Variants in OR5D16 observed in about 807,000 individuals in gnomAD.
OR5D16 encodes olfactory receptor family 5 subfamily D member 16, also known as olfactory receptor 5D16.
For missense variants in OR5D16, 477 were observed against 385.5 expected (o/e 1.24, Z -1.99); for synonymous variants, 185 against 153.2 (o/e 1.21, Z -1.53).
chr11:55,839,233 T>C lies in OR5D16; in HGVS notation c.482T>C (p.Leu161Pro), dbSNP rs1273011062. Residue 161 changes from leucine (L) to proline (P), a missense_variant, in exon 1 of 1, where the codon CTC becomes CCC. By Grantham distance (98) the Leu-to-Pro change is moderately conservative. Coordinates refer to ENST00000378396, the MANE Select transcript of OR5D16 (RefSeq NM_001005496.1). ...YAWGVACSLT[L>P]ACSALKLSFH... ...TGGGGAGTCGCATGTTCCCTGACAC[T>C]CGCGTGCTCTGCTTTAAAGTTATCT... The C allele has an allele frequency of 6.2e-7, 1 of 1,613,906 alleles. No homozygotes were observed. Among genetic ancestry groups the C allele is most frequent in the East Asian group, 2.2e-5 (1 of 44,888 alleles).
chr11:55,839,104 C>A lies in OR5D16; in HGVS notation c.353C>A (p.Ala118Glu). Residue 118 changes from alanine (A) to glutamate (E), a missense_variant, in exon 1 of 1, where the codon GCG becomes GAG. Transcript: ENST00000378396. ...TFVVTELILF[A>E]VMAYDHFVAI... ...GTAGTGACTGAATTAATTCTATTTGCGGTGATGGCCTATGACCACTTTGTG... is the reference window on the plus strand; with the variant it reads ...GTAGTGACTGAATTAATTCTATTTGAGGTGATGGCCTATGACCACTTTGTG... 22 of 1,613,974 alleles carry A rather than the reference C, an allele frequency of 1.4e-5. No individual in the cohort carries two copies. The highest frequency in any genetic ancestry group is 1.9e-5 in the Non-Finnish European group (22 of 1,179,970).
chr11:55,839,689 A>G lies in OR5D16; in HGVS notation c.938A>G (p.His313Arg), dbSNP rs369628399. The change falls in exon 1 of 1, where the codon CAT (histidine) becomes CGT (arginine). Residue 313 changes from histidine (H) to arginine (R), a missense_variant. Coordinates refer to ENST00000378396, the MANE Select transcript of OR5D16 (RefSeq NM_001005496.1). Reference protein sequence around the residue: ...IRKIINTKYFHIKHRHWYPFN... With the variant: ...IRKIINTKYFRIKHRHWYPFN... ...AAAATAATCAATACAAAATATTTTCATATTAAACATAGGCATTGGTATCCA... is the reference window on the plus strand; with the variant it reads ...AAAATAATCAATACAAAATATTTTCGTATTAAACATAGGCATTGGTATCCA... 1 of 1,600,848 alleles carries G rather than the reference A, an allele frequency of 6.2e-7. No homozygotes were observed. Among genetic ancestry groups the G allele is most frequent in the African/African-American group, 1.3e-5 (1 of 74,740 alleles).
chr11:55,839,277 A>G lies in OR5D16; in HGVS notation c.526A>G (p.Ile176Val), dbSNP rs776119814. ...LKLSFHGFNT[I>V]NHFFCELSSL... Reference sequence around the variant, plus strand: ...GTTATCTTTTCATGGTTTCAACACAATCAATCATTTCTTCTGTGAGTTATC... The same window carrying G: ...GTTATCTTTTCATGGTTTCAACACAGTCAATCATTTCTTCTGTGAGTTATC... Residue 176 changes from isoleucine to valine, a missense_variant, in exon 1 of 1, where the codon ATC (isoleucine) becomes GTC (valine). Physicochemically the swap from Ile to Val is conservative, Grantham distance 29. Transcript: ENST00000378396. The G allele has an allele frequency of 1.2e-6, 2 of 1,613,992 alleles. No individual in the cohort carries two copies. Among genetic ancestry groups the G allele is most frequent in the Non-Finnish European group, 1.7e-6 (2 of 1,179,964 alleles).
chr11:55,839,422 T>C lies in OR5D16; in HGVS notation c.671T>C (p.Ile224Thr), dbSNP rs149965774. The change falls in exon 1 of 1, where the codon ATT becomes ACT. Residue 224 changes from isoleucine to threonine, a missense_variant. Transcript: ENST00000378396. ...LIILTSYAFI[I>T]VTTLKMPSAS... ...ATTCTGACATCTTATGCATTCATCA[T>C]TGTCACCACCTTGAAGATGCCTTCA... 6 of 1,614,010 alleles carry C rather than the reference T, an allele frequency of 3.7e-6. No individual in the cohort carries two copies. The African/African-American group carries it at 8.0e-5, about 22-fold the overall frequency.
In OR5D16 at chr11:55,839,131, C is replaced by A. The variant is rs752257049; in HGVS notation, c.380C>A (p.Ala127Asp). The change falls in exon 1 of 1, where the codon GCC becomes GAC. Residue 127 changes from alanine (A) to aspartate (D), a missense_variant. Transcript: ENST00000378396. The part of the protein sequence containing the change: ...FAVMAYDHFV[A>D]ICNPLLYTVA... ...GTGATGGCCTATGACCACTTTGTGG[C>A]CATTTGCAATCCTCTGCTCTACACA... 1 of 1,613,896 alleles carries A rather than the reference C, an allele frequency of 6.2e-7. No homozygotes were observed. The highest frequency in any genetic ancestry group is 1.1e-5 in the South Asian group (1 of 91,074).
rs1363147222 is a variant in OR5D16 at position 55,838,804 on chromosome 11, G to C, written c.53G>C (p.Gly18Ala). 6.2e-7 allele frequency: 1 copy of C among 1,613,590 alleles called. No individual in the cohort carries two copies. Among genetic ancestry groups the C allele is most frequent in the South Asian group, 1.1e-5 (1 of 91,062 alleles). Residue 18 changes from glycine (G) to alanine (A), a missense_variant, in exon 1 of 1, where the codon GGC (glycine) becomes GCC (alanine). Physicochemically the swap from Gly to Ala is moderately conservative, Grantham distance 60 (BLOSUM62 0). Coordinates refer to ENST00000378396, the MANE Select transcript of OR5D16 (RefSeq NM_001005496.1). ...TCTGAGGCCACATTCACTCTCTTGG[G>C]CTTCTCAGATTACCTGGAACTGCAA... The part of the protein sequence containing the change: ...TTSEATFTLL[G>A]FSDYLELQIP...
At position 55,839,531 on chromosome 11, in the gene OR5D16, C is replaced by G; in HGVS notation, c.780C>G (p.Leu260=). The change falls in exon 1 of 1, where the codon CTC becomes CTG. Residue 260 remains leucine, a synonymous_variant. Coordinates refer to ENST00000378396, the MANE Select transcript of OR5D16 (RefSeq NM_001005496.1). ...TCTTCCATGGCACCATCCTCTTCCT[C>G]TACTGTGTACCCAACTCCAAAAACT... ...ITIFHGTILF[L]YCVPNSKNSR... The G allele has an allele frequency of 1.2e-6, 2 of 1,614,104 alleles. No individual in the cohort carries two copies. Among genetic ancestry groups the G allele is most frequent in the Non-Finnish European group, 1.7e-6 (2 of 1,179,992 alleles).
In OR5D16 at chr11:55,838,769, A is replaced by G. The variant is rs781325014; in HGVS notation, c.18A>G (p.Arg6=). MFLTE[R]NTTSEATFTL... is the part of the protein sequence containing the mutation. ...AGGAAAACATGTTTCTGACAGAGAG[A>G]AATACGACATCTGAGGCCACATTCA... The change falls in exon 1 of 1, where the codon AGA becomes AGG. Residue 6 remains arginine (R), a synonymous_variant. Coordinates refer to ENST00000378396, the MANE Select transcript of OR5D16 (RefSeq NM_001005496.1). 1 of 1,608,744 alleles carries G rather than the reference A, an allele frequency of 6.2e-7. No homozygotes were observed. The highest frequency in any genetic ancestry group is 1.7e-5 in the Admixed American group (1 of 59,040).
In OR5D16 at chr11:55,838,761, A is replaced by C. The variant is rs142690613; in HGVS notation, c.10A>C (p.Thr4Pro). The C allele has an allele frequency of 3.9e-5, 62 of 1,606,090 alleles. No individual in the cohort carries two copies. Among genetic ancestry groups the C allele is most frequent in the Non-Finnish European group, 5.2e-5 (61 of 1,176,894 alleles). ...CACACGAAAGGAAAACATGTTTCTG[A>C]CAGAGAGAAATACGACATCTGAGGC... MFLTERNTTSEATF... is the reference protein window; with the variant it reads MFLPERNTTSEATF... Residue 4 changes from threonine to proline, a missense_variant, in exon 1 of 1, where the codon ACA (threonine) becomes CCA (proline). By Grantham distance (38) the Thr-to-Pro change is conservative (BLOSUM62 -1). Coordinates refer to ENST00000378396, the MANE Select transcript of OR5D16 (RefSeq NM_001005496.1).
chr11:55,839,270 C>A lies in OR5D16; in HGVS notation c.519C>A (p.Phe173Leu). The A allele has an allele frequency of 6.2e-7, 1 of 1,613,980 alleles. No individual in the cohort carries two copies. The highest frequency in any genetic ancestry group is 8.5e-7 in the Non-Finnish European group (1 of 1,179,940). The change falls in exon 1 of 1, where the codon TTC (phenylalanine) becomes TTA (leucine). Residue 173 changes from phenylalanine to leucine, a missense_variant. Phe to Leu is a conservative substitution (Grantham distance 22). Coordinates refer to ENST00000378396, the MANE Select transcript of OR5D16 (RefSeq NM_001005496.1). ...CTTTAAAGTTATCTTTTCATGGTTT[C>A]AACACAATCAATCATTTCTTCTGTG... Reference protein sequence around the residue: ...CSALKLSFHGFNTINHFFCEL... With the variant: ...CSALKLSFHGLNTINHFFCEL...
Position 55,839,504 on chromosome 11 carries a change from C to A in OR5D16, c.753C>A (p.Thr251=), listed in dbSNP as rs1854065681. 2 of 1,614,106 alleles carry A rather than the reference C, an allele frequency of 1.2e-6. No homozygotes were observed. Among genetic ancestry groups the A allele is most frequent in the Non-Finnish European group, 8.5e-7 (1 of 1,179,990 alleles). ...GTGCCTCCCACCTGACTGCCATCAC[C>A]ATCTTCCATGGCACCATCCTCTTCC... ...STCASHLTAI[T]IFHGTILFLY... The change falls in exon 1 of 1, where the codon ACC becomes ACA. Residue 251 remains threonine (T), a synonymous_variant. Coordinates refer to ENST00000378396, the MANE Select transcript of OR5D16 (RefSeq NM_001005496.1).
Position 55,839,565 on chromosome 11 carries a change from A to C in OR5D16, c.814A>C (p.Thr272Pro). Residue 272 changes from threonine to proline, a missense_variant, in exon 1 of 1, where the codon ACA (threonine) becomes CCA (proline). Coordinates refer to ENST00000378396, the MANE Select transcript of OR5D16 (RefSeq NM_001005496.1). Reference protein sequence around the residue: ...CVPNSKNSRHTVKVASVFYTV... With the variant: ...CVPNSKNSRHPVKVASVFYTV... ...ACCCAACTCCAAAAACTCCAGGCAC[A>C]CAGTCAAAGTGGCCTCTGTGTTTTA... 1 of 1,614,068 alleles carries C rather than the reference A, an allele frequency of 6.2e-7. No individual in the cohort carries two copies.
At position 55,839,628 on chromosome 11, in the gene OR5D16, A is replaced by T. The variant is rs745446528; in HGVS notation, c.877A>T (p.Ser293Cys). The change falls in exon 1 of 1, where the codon AGT (serine) becomes TGT (cysteine). Residue 293 changes from serine to cysteine, a missense_variant. By Grantham distance (112) the Ser-to-Cys change is moderately radical. Coordinates refer to ENST00000378396, the MANE Select transcript of OR5D16 (RefSeq NM_001005496.1). ...VIPLLNPLIYSLRNKDVKDAI... is the reference protein window; with the variant it reads ...VIPLLNPLIYCLRNKDVKDAI... ...CCCCTTGTTGAATCCCCTGATCTAC[A>T]GTCTGAGAAATAAAGATGTTAAGGA... The T allele has an allele frequency of 2.5e-6, 4 of 1,613,926 alleles. No homozygotes were observed. Among genetic ancestry groups the T allele is most frequent in the Non-Finnish European group, 3.4e-6 (4 of 1,179,882 alleles).
Position 55,838,821 on chromosome 11 carries a change from GAAC to G in OR5D16, c.71_73del (p.Glu24_Leu25delinsVal). On this transcript the variant is annotated inframe_deletion, in exon 1 of 1. Transcript: ENST00000378396. ...TCTCTTGGGCTTCTCAGATTACCTGGAACTGCAAATTCCCCTCTTCTTTGTATT... is the reference window on the plus strand; with the variant it reads ...TCTCTTGGGCTTCTCAGATTACCTGGTGCAAATTCCCCTCTTCTTTGTATT... The G allele has an allele frequency of 1.9e-6, 3 of 1,613,790 alleles. No homozygotes were observed. In the South Asian group the frequency reaches 3.3e-5, roughly 18 times the overall value.
In OR5D16 at chr11:55,838,813, A is replaced by T. The variant is rs376133332; in HGVS notation, c.62A>T (p.Asp21Val). 2 of 1,613,762 alleles carry T rather than the reference A, an allele frequency of 1.2e-6. No individual in the cohort carries two copies. The highest frequency in any genetic ancestry group is 8.5e-7 in the Non-Finnish European group (1 of 1,179,816). Reference sequence around the variant, plus strand: ...ACATTCACTCTCTTGGGCTTCTCAGATTACCTGGAACTGCAAATTCCCCTC... The same window carrying T: ...ACATTCACTCTCTTGGGCTTCTCAGTTTACCTGGAACTGCAAATTCCCCTC... ...EATFTLLGFSDYLELQIPLFF... is the reference protein window; with the variant it reads ...EATFTLLGFSVYLELQIPLFF... The change falls in exon 1 of 1, where the codon GAT (aspartate) becomes GTT (valine). Residue 21 changes from aspartate to valine, a missense_variant. Transcript: ENST00000378396.
Position 55,838,774 on chromosome 11 carries a change from C to A in OR5D16, c.23C>A (p.Thr8Lys). The A allele has an allele frequency of 6.2e-7, 1 of 1,609,544 alleles. No homozygotes were observed. The highest frequency in any genetic ancestry group is 8.5e-7 in the Non-Finnish European group (1 of 1,178,020). Residue 8 changes from threonine to lysine, a missense_variant, in exon 1 of 1, where the codon ACG becomes AAG. Coordinates refer to ENST00000378396, the MANE Select transcript of OR5D16 (RefSeq NM_001005496.1). ...AACATGTTTCTGACAGAGAGAAATA[C>A]GACATCTGAGGCCACATTCACTCTC... Reference protein sequence around the residue: MFLTERNTTSEATFTLLG... With the variant: MFLTERNKTSEATFTLLG...
rs754667889 is a variant in OR5D16 at position 55,838,965 on chromosome 11, G to T, written c.214G>T (p.Asp72Tyr). Reference protein sequence around the residue: ...YFFLNHLSFVDFCYSSIIAPM... With the variant: ...YFFLNHLSFVYFCYSSIIAPM... ...TTTCCTCAACCACCTCTCCTTTGTGGATTTCTGCTATTCCTCCATCATTGC... is the reference window on the plus strand; with the variant it reads ...TTTCCTCAACCACCTCTCCTTTGTGTATTTCTGCTATTCCTCCATCATTGC... The change falls in exon 1 of 1, where the codon GAT (aspartate) becomes TAT (tyrosine). Residue 72 changes from aspartate to tyrosine, a missense_variant. Physicochemically the swap from Asp to Tyr is radical, Grantham distance 160. Transcript: ENST00000378396. 4.3e-6 allele frequency: 7 copies of T among 1,614,010 alleles called. No homozygotes were observed. The highest frequency in any genetic ancestry group is 5.9e-6 in the Non-Finnish European group (7 of 1,179,944).
In OR5D16 at chr11:55,838,981, C is replaced by G; in HGVS notation, c.230C>G (p.Ser77Cys). ...HLSFVDFCYS[S>C]IIAPMMLVNL... The stretch of plus-strand genomic sequence containing the variant: ...TCCTTTGTGGATTTCTGCTATTCCT[C>G]CATCATTGCTCCCATGATGCTGGTG... The change falls in exon 1 of 1, where the codon TCC becomes TGC. Residue 77 changes from serine (S) to cysteine (C), a missense_variant. Transcript: ENST00000378396. The G allele has an allele frequency of 6.2e-7, 1 of 1,614,008 alleles. No individual in the cohort carries two copies. Among genetic ancestry groups the G allele is most frequent in the Non-Finnish European group, 8.5e-7 (1 of 1,179,890 alleles).
chr11:55,839,155 C>G lies in OR5D16; in HGVS notation c.404C>G (p.Thr135Arg), dbSNP rs758721886. 7 of 1,613,950 alleles carry G rather than the reference C, an allele frequency of 4.3e-6. No homozygotes were observed. Among genetic ancestry groups the G allele is most frequent in the Non-Finnish European group, 5.9e-6 (7 of 1,179,984 alleles). The change falls in exon 1 of 1, where the codon ACA becomes AGA. Residue 135 changes from threonine to arginine, a missense_variant. By Grantham distance (71) the Thr-to-Arg change is moderately conservative (BLOSUM62 -1). Transcript: ENST00000378396. ...GCCATTTGCAATCCTCTGCTCTACA[C>G]AGTTGCCATCTCCCAGAAACTCTGT... ...FVAICNPLLY[T>R]VAISQKLCAM...
Sources: gnomAD v4.1 joint callset for allele counts on GRCh38, gnomAD v4.1.1 for gene constraint, MANE v1.5 for transcripts, NCBI Gene and HGNC (gene_info 2026-07-23, HGNC 2026-07-21) for gene names.